The following GRIA1 variants were observed in gnomAD, a reference collection of about 807,000 sequenced individuals.
GRIA1 encodes the protein glutamate ionotropic receptor AMPA type subunit 1, also known as glutamate receptor 1.
A neutral mutation model predicts 99.2 loss-of-function variants in GRIA1; 31 were observed. The ratio of observed to expected loss-of-function variants is 0.31; its 90% CI spans 0.23 to 0.42. The LOEUF (loss-of-function observed/expected upper bound fraction) is 0.42, where lower values mean the gene tolerates loss of function less well. Among genes scored for constraint, GRIA1 ranks in the 10% least tolerant of loss-of-function variants. The pLI, the probability that GRIA1 is intolerant of heterozygous loss-of-function variation, is 1.00. For synonymous variants in GRIA1, 438 were observed against 432.4 expected, an observed-to-expected ratio of 1.01 and a Z score of -0.16; for missense variants, 782 against 1,157.5, an observed-to-expected ratio of 0.68 and a Z score of 4.71.
chr5:153,614,829 G>T (rs999513489), intron 2 of GRIA1, among the ~76,000 whole-genome samples: 1 of 152,166 alleles, frequency 6.6e-6, no homozygotes, highest in African/African-American at 2.4e-5. Context: ...TGAGAGGGAC[G>T]CTGTGATATA....
At chr5:153,790,907 C>T (rs548364407) in intron 13 of GRIA1, among the ~76,000 whole-genome samples, 1 of 152,060 alleles carries the variant, frequency 6.6e-6, no homozygotes, top group Non-Finnish European at 1.5e-5. Flanking sequence ...GGCCTTGGAG[C>T]CTTTATATTT....
intron 2 of GRIA1, among the ~76,000 whole-genome samples, chr5:153,577,689 A>T (rs757219963): frequency 1.3e-5 from 2 of 152,236 alleles, no homozygotes; most frequent in Non-Finnish European, 2.9e-5. Context: ...AACTTAACTT[A>T]TTTATTCATT....
chr5:153,678,910 T>A (rs1756780221), intron 7 of GRIA1, among the ~76,000 whole-genome samples: 1 of 152,156 alleles, frequency 6.6e-6, no homozygotes. Context: ...TCCTTCCCCA[T>A]GAAAATGAAG....
At chr5:153,701,822 G>A (rs1468962351) in intron 10 of GRIA1, among the ~76,000 whole-genome samples, 1 of 151,928 alleles carries the variant, frequency 6.6e-6, no homozygotes, top group Non-Finnish European at 1.5e-5. Flanking sequence ...TATTCTTTCT[G>A]TGGCTTTCTA....
chr5:153,667,326 A>G (rs1325477262), intron 5 of GRIA1, among the ~76,000 whole-genome samples: 1 of 152,216 alleles, frequency 6.6e-6, no homozygotes, highest in Non-Finnish European at 1.5e-5. Context: ...ATGAGGGCTG[A>G]ACAGCTCGTA....
intron 2 of GRIA1, among the ~76,000 whole-genome samples, chr5:153,624,157 A>G (rs1295701655): frequency 6.6e-6 from 1 of 152,214 alleles, no homozygotes; most frequent in Non-Finnish European, 1.5e-5. Context: ...CATTTAACAG[A>G]TGTTTTTAAA....
intron 8 of GRIA1, among the ~76,000 whole-genome samples, chr5:153,687,981 G>T (rs1757454126): frequency 2.0e-5 from 3 of 152,326 alleles, no homozygotes; most frequent in South Asian, 4.1e-4. Context: ...CTTCCTGGAG[G>T]CTCCAGAGTT....
chr5:153,785,686 C>T (rs371473321), intron 13 of GRIA1, among the ~76,000 whole-genome samples: 3 of 152,216 alleles, frequency 2.0e-5, no homozygotes, highest in African/African-American at 7.2e-5. Context: ...AAACCAGTTC[C>T]AGCTCATTGG....
At chr5:153,735,735 A>G (rs1322303907) in intron 11 of GRIA1, among the ~76,000 whole-genome samples, 1 of 152,176 alleles carries the variant, frequency 6.6e-6, no homozygotes, top group Admixed American at 6.5e-5. Flanking sequence ...TCCAGAATAC[A>G]TATTTAAAAA....
At chr5:153,697,899 G>T in intron 8 of GRIA1, 145 bp from the exon 9 acceptor site, 1 of 505,158 alleles carries the variant, frequency 2.0e-6, no homozygotes, top group Non-Finnish European at 3.6e-6. Flanking sequence ...TATTATTTCT[G>T]TTTACCAATA....
At chr5:153,540,547 CA>C in intron 2 of GRIA1, among the ~76,000 whole-genome samples, 1 of 152,286 alleles carries the variant, frequency 6.6e-6, no homozygotes, top group East Asian at 1.9e-4. Context: ...GTTCATTGAT[CA>C]ACTGATTAAT....
intron 8 of GRIA1, among the ~76,000 whole-genome samples, chr5:153,688,783 G>A (rs1024706062): frequency 1.3e-5 from 2 of 151,718 alleles, no homozygotes; most frequent in African/African-American, 4.8e-5. Flanking sequence ...GCAATGGCAT[G>A]GTCTCGGCTC....
At chr5:153,706,128 G>GTTTTTTTTT (rs763821992) in intron 11 of GRIA1, 61 bp downstream of exon 11, 2 of 1,503,592 alleles carry the variant, frequency 1.3e-6, no homozygotes, top group Admixed American at 1.7e-5. Context: ...TTGTTTGTTT[G>GTTTTTTTTT]TTTGTTTTTT....
intron 11 of GRIA1, among the ~76,000 whole-genome samples, chr5:153,747,021 A>T (rs908455288): frequency 6.6e-6 from 1 of 152,196 alleles, no homozygotes; most frequent in Non-Finnish European, 1.5e-5. Context: ...TAAATTATTT[A>T]TTCACTCTGA....
intron 5 of GRIA1, among the ~76,000 whole-genome samples, chr5:153,668,001 C>T (rs1037405111): frequency 1.3e-5 from 2 of 152,208 alleles, no homozygotes; most frequent in African/African-American, 4.8e-5. Context: ...AATGCCTTTT[C>T]AACATTGTGT....
chr5:153,501,131 G>T (rs527460005), intron 2 of GRIA1, among the ~76,000 whole-genome samples: 1 of 152,154 alleles, frequency 6.6e-6, no homozygotes, highest in African/African-American at 2.4e-5. Flanking sequence ...CATTCAGGGC[G>T]CATTCTGTAT....
chr5:153,727,307 T>C (rs1479963183), intron 11 of GRIA1, among the ~76,000 whole-genome samples: 4 of 152,132 alleles, frequency 2.6e-5, no homozygotes, highest in Non-Finnish European at 4.4e-5. Flanking sequence ...CTGGAAGCAT[T>C]CCCTTTGAGA....
At chr5:153,730,735 A>G (rs1327259446) in intron 11 of GRIA1, among the ~76,000 whole-genome samples, 1 of 152,138 alleles carries the variant, frequency 6.6e-6, no homozygotes, top group Admixed American at 6.6e-5. Context: ...TAGATAACAC[A>G]TTGTTGCATT....
At chr5:153,602,354 G>A (rs1765050074) in intron 2 of GRIA1, among the ~76,000 whole-genome samples, 1 of 151,662 alleles carries the variant, frequency 6.6e-6, no homozygotes, top group Non-Finnish European at 1.5e-5. Context: ...CACAGGAAGG[G>A]GAACATCACA....
Sources: allele counts gnomAD v4.1 joint callset (sites outside exome capture counted in the v4.1 genomes callset), GRCh38; gene constraint gnomAD v4.1.1; transcripts MANE v1.5; gene names NCBI Gene and HGNC (gene_info 2026-07-23, HGNC 2026-07-21).